The following NALF1 variants were observed in gnomAD, a reference collection of about 807,000 sequenced individuals.
NALF1 encodes NALCN channel auxiliary factor 1, also known as family with sequence similarity 155 member A.
In NALF1, 3 loss-of-function variants were observed where a neutral mutation model predicts 48.4. That is an observed-to-expected ratio of 0.06 (90% CI 0.03 to 0.16). NALF1 has a LOEUF of 0.16. Ranked by LOEUF, NALF1 falls within the 10% of genes least tolerant of loss-of-function variation. The pLI is 1.00. For synonymous variants in NALF1, 262 were observed against 245.7 expected (o/e 1.07, Z -0.62); for missense variants, 526 against 571.5 (o/e 0.92, Z 0.81).
chr13:107,318,291 G>A (rs1245333043), intron 1 of NALF1, among the ~76,000 whole-genome samples: 2 of 152,002 alleles, frequency 1.3e-5, no homozygotes, highest in Non-Finnish European at 1.5e-5. Context: ...CACAATTCCG[G>A]CTTTAAATAA....
At chr13:107,661,403 T>C (rs1880731689) in intron 1 of NALF1, among the ~76,000 whole-genome samples, 1 of 152,228 alleles carries the variant, frequency 6.6e-6, no homozygotes, top group Admixed American at 6.5e-5. Context: ...AGCTTGCTTT[T>C]ACTTTCATAT....
At chr13:107,217,896 T>G (rs753685711) in intron 1 of NALF1, among the ~76,000 whole-genome samples, 3 of 151,962 alleles carry the variant, frequency 2.0e-5, no homozygotes, top group Non-Finnish European at 2.9e-5. Flanking sequence ...GAGCAATCTA[T>G]AGAAAATTAA....
At chr13:107,271,635 T>C (rs1477044448) in intron 1 of NALF1, among the ~76,000 whole-genome samples, 1 of 151,858 alleles carries the variant, frequency 6.6e-6, no homozygotes, top group Non-Finnish European at 1.5e-5. Flanking sequence ...AAGTTTGTGA[T>C]AATTTGTTAG....
intron 1 of NALF1, among the ~76,000 whole-genome samples, chr13:107,661,886 T>C (rs892304954): frequency 6.6e-6 from 1 of 152,192 alleles, no homozygotes; most frequent in African/African-American, 2.4e-5. Context: ...AAATAATAAA[T>C]AAATCTACAT....
At chr13:107,190,611 A>G (rs1482053296) in intron 2 of NALF1, among the ~76,000 whole-genome samples, 1 of 152,246 alleles carries the variant, frequency 6.6e-6, no homozygotes, top group Non-Finnish European at 1.5e-5. Context: ...CTCTGAAGAA[A>G]CACAATGATA....
intron 1 of NALF1, among the ~76,000 whole-genome samples, chr13:107,294,243 C>T (rs140961193): frequency 6.6e-6 from 1 of 152,190 alleles, no homozygotes; most frequent in East Asian, 1.9e-4. Flanking sequence ...GAGTTGAATC[C>T]CAGGCACCAT....
At chr13:107,726,356 T>C (rs1876149917) in intron 1 of NALF1, among the ~76,000 whole-genome samples, 1 of 152,164 alleles carries the variant, frequency 6.6e-6, no homozygotes, top group African/African-American at 2.4e-5. Context: ...TCTTAATCTG[T>C]GATGGAATAT....
chr13:107,478,753 A>G (rs1885210561), intron 1 of NALF1, among the ~76,000 whole-genome samples: 1 of 152,116 alleles, frequency 6.6e-6, no homozygotes, highest in Admixed American at 6.6e-5. Context: ...CATAACTAGG[A>G]AAATTAAAGA....
chr13:107,813,953 T>C lies in NALF1; in HGVS notation c.915+51729A>G, dbSNP rs188487918. On this transcript the variant is annotated intron_variant, in intron 1 of 2. Coordinates refer to ENST00000375915, the MANE Select transcript of NALF1 (RefSeq NM_001080396.3). ...GATATAAACATATAATCAATGTAGG[T>C]ATCCAAAATACATAGGTTTTTGAGC... 1.1e-3 allele frequency among the ~76,000 whole-genome samples: 174 copies of C among 152,240 alleles called. 1 individual carries two copies. Among genetic ancestry groups the C allele is most frequent in the African/African-American group, 3.3e-3 (136 of 41,540 alleles).
intron 1 of NALF1, among the ~76,000 whole-genome samples, chr13:107,330,879 T>C (rs1882456143): frequency 6.6e-6 from 1 of 152,212 alleles, no homozygotes; most frequent in Non-Finnish European, 1.5e-5. Context: ...AAAATGTTTC[T>C]ATTATCTTAT....
At chr13:107,250,885 C>T (rs1303762234) in intron 1 of NALF1, among the ~76,000 whole-genome samples, 3 of 152,180 alleles carry the variant, frequency 2.0e-5, no homozygotes, top group African/African-American at 7.2e-5. Flanking sequence ...TCCCCCTTCA[C>T]TCTCTTCCTC....
At chr13:107,738,586 T>C (rs905588549) in intron 1 of NALF1, among the ~76,000 whole-genome samples, 2 of 152,156 alleles carry the variant, frequency 1.3e-5, no homozygotes, top group Admixed American at 1.3e-4. Flanking sequence ...TTAAAAACTT[T>C]CCCCCTTCAT....
chr13:107,262,985 C>A (rs960312021), intron 1 of NALF1, among the ~76,000 whole-genome samples: 1 of 152,078 alleles, frequency 6.6e-6, no homozygotes, highest in Non-Finnish European at 1.5e-5. Context: ...AGGGCTGTAC[C>A]TTTAAATGTT....
intron 1 of NALF1, among the ~76,000 whole-genome samples, chr13:107,808,757 A>G (rs1382284425): frequency 6.6e-6 from 1 of 152,080 alleles, no homozygotes; most frequent in Admixed American, 6.6e-5. Flanking sequence ...TTGGAAGTTT[A>G]CTTCCCGATA....
In NALF1 at chr13:107,793,885, T is replaced by C. The variant is rs932567636; in HGVS notation, c.915+71797A>G. 5.9e-5 allele frequency among the ~76,000 whole-genome samples: 9 copies of C among 152,050 alleles called. No homozygotes were observed. The East Asian group carries it at 9.6e-4, about 16-fold the overall frequency. ...TTTAGTCTTTGAAAGTTGCTTGAAA[T>C]TGTCTGAAGAATAAAATGAGTGTGA... is the stretch of plus-strand genomic sequence containing the variant. On this transcript the variant is annotated intron_variant, in intron 1 of 2. Transcript: ENST00000375915.
chr13:107,609,712 A>C (rs547727589), intron 1 of NALF1, among the ~76,000 whole-genome samples: 1 of 152,282 alleles, frequency 6.6e-6, no homozygotes, highest in African/African-American at 2.4e-5. Flanking sequence ...AATTCCATAA[A>C]ATTTCCCTCC....
At chr13:107,187,708 T>C (rs1466508376) in intron 2 of NALF1, among the ~76,000 whole-genome samples, 1 of 152,166 alleles carries the variant, frequency 6.6e-6, no homozygotes, top group East Asian at 1.9e-4. Flanking sequence ...CCCTTTTTGT[T>C]CTCTTTCTCT....
chr13:107,388,774 C>G (rs1027530875), intron 1 of NALF1, among the ~76,000 whole-genome samples: 1 of 151,940 alleles, frequency 6.6e-6, no homozygotes, highest in Admixed American at 6.6e-5. Context: ...GAAAGGGCAT[C>G]AATCCAGGAA....
intron 1 of NALF1, among the ~76,000 whole-genome samples, chr13:107,606,928 C>T (rs1159518524): frequency 6.6e-6 from 1 of 152,134 alleles, no homozygotes; most frequent in African/African-American, 2.4e-5. Flanking sequence ...ACATTGCTAA[C>T]ATTATCAAAG....
Sources: allele counts gnomAD v4.1 joint callset (sites outside exome capture counted in the v4.1 genomes callset), GRCh38; gene constraint gnomAD v4.1.1; transcripts MANE v1.5; gene names NCBI Gene and HGNC (gene_info 2026-07-23, HGNC 2026-07-21).